The following AHNAK variants were observed in gnomAD, a reference collection of about 807,000 sequenced individuals.
The protein encoded by AHNAK is neuroblast differentiation-associated protein AHNAK.
In AHNAK, 23 loss-of-function variants were observed where a neutral mutation model predicts 37.8. That is an observed-to-expected ratio of 0.61 (90% CI 0.44 to 0.86). The LOEUF (loss-of-function observed/expected upper bound fraction) is 0.86. AHNAK is among the 40% of genes least tolerant of loss of function. The pLI, the probability that AHNAK is intolerant of heterozygous loss-of-function variation, is 0.00. For synonymous variants in AHNAK, 2,481 were observed against 2,636.3 expected, an observed-to-expected ratio of 0.94 and a Z score of 1.80; for missense variants, 7,411 against 7,319.4, an observed-to-expected ratio of 1.01 and a Z score of -0.46.
intron 5 of AHNAK, among the ~76,000 whole-genome samples, chr11:62,475,306 A>C (rs1253078354): frequency 2.6e-5 from 4 of 151,904 alleles, no homozygotes; most frequent in Non-Finnish European, 5.9e-5. Flanking sequence ...TTTGTCTCAA[A>C]AAAAAGGTGG....
Position 62,526,865 on chromosome 11 carries a change from ACTTGGGCATTTTCAT to A in AHNAK, c.7537_7551del (p.Met2513_Lys2517del). ...TCTGCTTTGAAGCCAGGCATGCTGA[ACTTGGGCATTTTCAT>A]CTTGGGCATCTTCAGGTGCCAGTCT... On this transcript the variant is annotated inframe_deletion, in exon 5 of 5. Transcript: ENST00000378024. 6.2e-7 allele frequency: 1 copy of A among 1,613,568 alleles called. No individual in the cohort carries two copies. The highest frequency in any genetic ancestry group is 8.5e-7 in the Non-Finnish European group (1 of 1,179,904).
chr11:62,456,622 C>T (rs780166254), intron 5 of AHNAK, among the ~76,000 whole-genome samples: 2 of 152,078 alleles, frequency 1.3e-5, no homozygotes, highest in East Asian at 3.9e-4. Flanking sequence ...CTCCAGGCTG[C>T]CATTCAAGGC....
chr11:62,524,608 T>C lies in AHNAK; in HGVS notation c.9809A>G (p.His3270Arg), dbSNP rs765895400. ...IDVDAPDIDIHGPDAKLKGPK... is the reference protein window; with the variant it reads ...IDVDAPDIDIRGPDAKLKGPK... Reference sequence around the variant, plus strand: ...ACCTTTTAATTTGGCATCTGGGCCATGAATGTCAATATCTGGAGCATCTAC... The same window carrying C: ...ACCTTTTAATTTGGCATCTGGGCCACGAATGTCAATATCTGGAGCATCTAC... The change falls in exon 5 of 5, where the codon CAT becomes CGT. Residue 3270 changes from histidine (H) to arginine (R), a missense_variant. Transcript: ENST00000378024. 20 of 1,614,056 alleles carry C rather than the reference T, an allele frequency of 1.2e-5. No individual in the cohort carries two copies. The East Asian group carries it at 2.9e-4, about 23-fold the overall frequency.
Position 62,520,554 on chromosome 11 carries a change from G to A in AHNAK, c.13863C>T (p.Asp4621=), listed in dbSNP as rs148835679. Reference sequence around the variant, plus strand: ...TGATGTCAACTTCGGGGCCCTTGAGGTCGCCTTCCACTTTGGGCAGAGAAA... The same window carrying A: ...TGATGTCAACTTCGGGGCCCTTGAGATCGCCTTCCACTTTGGGCAGAGAAA... The part of the protein sequence containing the change: ...MDISLPKVEG[D]LKGPEVDIRD... The change falls in exon 5 of 5, where the codon GAC becomes GAT. Residue 4621 remains aspartate, a synonymous_variant. Transcript: ENST00000378024. 1 of 1,614,058 alleles carries A rather than the reference G, an allele frequency of 6.2e-7. No homozygotes were observed. Among genetic ancestry groups the A allele is most frequent in the East Asian group, 2.2e-5 (1 of 44,874 alleles).
At position 62,523,681 on chromosome 11, in the gene AHNAK, A is replaced by G. The variant is rs751224459; in HGVS notation, c.10736T>C (p.Ile3579Thr). 1.9e-5 allele frequency: 31 copies of G among 1,613,676 alleles called. No homozygotes were observed. In the South Asian group the frequency reaches 3.2e-4, roughly 17 times the overall value. The change falls in exon 5 of 5, where the codon ATC becomes ACC. Residue 3579 changes from isoleucine (I) to threonine (T), a missense_variant. Physicochemically the swap from Ile to Thr is moderately conservative, Grantham distance 89. Transcript: ENST00000378024. ...EGDLKGPEVD[I>T]KGPKVDINAP... ...ATTGATGTCCACTTTAGGGCCTTTG[A>G]TATCAACCTCTGGCCCTTTCAGATC...
Position 62,529,245 on chromosome 11 carries a change from G to T in AHNAK, c.5172C>A (p.Gly1724=). ...KMKMPKFSMP[G]FKAEGPEVDV... ...CCACTTCAGGGCCCTCTGCTTTGAA[G>T]CCAGGCATACTGAACTTGGGCATTT... Residue 1724 remains glycine, a synonymous_variant, in exon 5 of 5, where the codon GGC becomes GGA. Coordinates refer to ENST00000378024, the MANE Select transcript of AHNAK (RefSeq NM_001620.3). 3 of 1,614,196 alleles carry T rather than the reference G, an allele frequency of 1.9e-6. No homozygotes were observed. Among genetic ancestry groups the T allele is most frequent in the Non-Finnish European group, 2.5e-6 (3 of 1,180,038 alleles).
At chr11:62,495,604 A>G (rs1202374548) in intron 4 of AHNAK, among the ~76,000 whole-genome samples, 1 of 150,742 alleles carries the variant, frequency 6.6e-6, no homozygotes, top group Non-Finnish European at 1.5e-5. Flanking sequence ...CTGGGCATGA[A>G]GGCATGCACC....
chr11:62,438,308 G>A (rs368601064), intron 5 of AHNAK, among the ~76,000 whole-genome samples: 2 of 150,030 alleles, frequency 1.3e-5, no homozygotes, highest in East Asian at 2.0e-4. Context: ...TCGGACTCCC[G>A]AGTAGCTGGG....
In AHNAK at chr11:62,517,498, A is replaced by T. The variant is rs143067494; in HGVS notation, c.16919T>A (p.Leu5640Gln). Residue 5640 changes from leucine to glutamine, a missense_variant, in exon 5 of 5, where the codon CTG (leucine) becomes CAG (glutamine). Coordinates refer to ENST00000378024, the MANE Select transcript of AHNAK (RefSeq NM_001620.3). ...GGQIGLQAPGLSVSGPQGHLE... is the reference protein window; with the variant it reads ...GGQIGLQAPGQSVSGPQGHLE... ...GTGACCTTGAGGCCCAGACACACTC[A>T]GCCCAGGAGCCTGGAGTCCAATCTG... 99 of 1,614,078 alleles carry T rather than the reference A, an allele frequency of 6.1e-5. No individual in the cohort carries two copies. The highest frequency in any genetic ancestry group is 8.2e-5 in the Non-Finnish European group (97 of 1,180,040).
rs1474872939 is a variant in AHNAK at position 62,525,033 on chromosome 11, T to C, written c.9384A>G (p.Lys3128=). 2 of 1,613,160 alleles carry C rather than the reference T, an allele frequency of 1.2e-6. No homozygotes were observed. The highest frequency in any genetic ancestry group is 1.7e-5 in the Admixed American group (1 of 59,930). ...GGGCATTAATATCCACTTTGGGGCC[T>C]TTAATATCCACGTCAGGAACTTTCA... ...GDMKVPDVDI[K]GPKVDINAPD... is the part of the protein sequence containing the mutation. The change falls in exon 5 of 5, where the codon AAA becomes AAG. Residue 3128 remains lysine (K), a synonymous_variant. Coordinates refer to ENST00000378024, the MANE Select transcript of AHNAK (RefSeq NM_001620.3).
chr11:62,487,142 G>A (rs927055432), intron 5 of AHNAK, among the ~76,000 whole-genome samples: 5 of 152,348 alleles, frequency 3.3e-5, no homozygotes, highest in South Asian at 4.1e-4. Flanking sequence ...CCAGTCCAGT[G>A]TGAAGCTGAT....
intron 4 of AHNAK, among the ~76,000 whole-genome samples, chr11:62,508,329 T>C (rs1318894265): frequency 6.6e-6 from 1 of 152,194 alleles, no homozygotes; most frequent in Non-Finnish European, 1.5e-5. Context: ...CCCAACTCTA[T>C]GAGTTGAGAC....
rs1226282650 is a variant in AHNAK at position 62,518,489 on chromosome 11, T to A, written c.15928A>T (p.Ser5310Cys). The A allele has an allele frequency of 6.2e-7, 1 of 1,614,064 alleles. No homozygotes were observed. Among genetic ancestry groups the A allele is most frequent in the Non-Finnish European group, 8.5e-7 (1 of 1,179,996 alleles). Residue 5310 changes from serine to cysteine, a missense_variant, in exon 5 of 5, where the codon AGT becomes TGT. Ser to Cys is a moderately radical substitution (Grantham distance 112, BLOSUM62 -1). Coordinates refer to ENST00000378024, the MANE Select transcript of AHNAK (RefSeq NM_001620.3). ...GATGCATCCAGGTCTCCCTTCAAAC[T>A]TGGTCCTTTCAAGTTCAGATCAAGG... ...PDLDLNLKGPSLKGDLDASVP... is the reference protein window; with the variant it reads ...PDLDLNLKGPCLKGDLDASVP...
Position 62,522,790 on chromosome 11 carries a change from G to A in AHNAK, c.11627C>T (p.Pro3876Leu). ...TCCTTTCAGGTTAAGATCAATGTCA[G>A]GCATGGAGATCTTGGGGGCTTTGAT... ...MNIKAPKISM[P>L]DIDLNLKGPK... The change falls in exon 5 of 5, where the codon CCT becomes CTT. Residue 3876 changes from proline to leucine, a missense_variant. Coordinates refer to ENST00000378024, the MANE Select transcript of AHNAK (RefSeq NM_001620.3). 6.2e-7 allele frequency: 1 copy of A among 1,613,864 alleles called. No homozygotes were observed. Among genetic ancestry groups the A allele is most frequent in the South Asian group, 1.1e-5 (1 of 91,058 alleles).
chr11:62,535,163 T>C lies in AHNAK; in HGVS notation c.182A>G (p.Tyr61Cys). ...EGDQIVGATI[Y>C]FDNLQSGEVT... ...CTCACCCGACTGCAGGTTGTCAAAG[T>C]AGATGGTGGCACCCACAATCTGGTC... is the stretch of plus-strand genomic sequence containing the variant. The change falls in exon 4 of 5, where the codon TAC becomes TGC. Residue 61 changes from tyrosine (Y) to cysteine (C), a missense_variant. Physicochemically the swap from Tyr to Cys is radical, Grantham distance 194. Transcript: ENST00000378024. The C allele has an allele frequency of 6.2e-7, 1 of 1,612,008 alleles. No individual in the cohort carries two copies. Among genetic ancestry groups the C allele is most frequent in the Non-Finnish European group, 8.5e-7 (1 of 1,178,288 alleles).
chr11:62,468,121 G>A (rs1347743725), intron 5 of AHNAK, among the ~76,000 whole-genome samples: 1 of 152,154 alleles, frequency 6.6e-6, no homozygotes, highest in Admixed American at 6.6e-5. Context: ...GCCGAAATGG[G>A]CGTTATCACT....
At chr11:62,500,603 G>A (rs1939695285) in intron 4 of AHNAK, among the ~76,000 whole-genome samples, 2 of 152,324 alleles carry the variant, frequency 1.3e-5, no homozygotes, top group South Asian at 2.1e-4. Flanking sequence ...AAAAATCCAA[G>A]TGGGTTTTAA....
chr11:62,454,048 A>C (rs1418786977), intron 5 of AHNAK, among the ~76,000 whole-genome samples: 1 of 151,496 alleles, frequency 6.6e-6, no homozygotes, highest in African/African-American at 2.4e-5. Context: ...CGGAGGTTGC[A>C]GTGAGCCGAG....
chr11:62,435,656 G>A lies in AHNAK; in HGVS notation c.443-1765C>T, dbSNP rs186045434. Among the ~76,000 whole-genome samples, 23 of 152,132 alleles carry A rather than the reference G, an allele frequency of 1.5e-4. No individual in the cohort carries two copies. In the East Asian group the frequency reaches 4.1e-3, roughly 27 times the overall value. On this transcript the variant is annotated intron_variant, in intron 5 of 5. Transcript: ENST00000257247. The stretch of plus-strand genomic sequence containing the variant: ...TCTCGATCTCCTGACCTCGTGATCC[G>A]CCCACCTCGGCCTCCCAAAGTGCTG...
Sources: gnomAD v4.1 joint callset for allele counts (sites outside exome capture counted in the v4.1 genomes callset) on GRCh38, gnomAD v4.1.1 for gene constraint, MANE v1.5 for transcripts, NCBI Gene and HGNC (gene_info 2026-07-23, HGNC 2026-07-21) for gene names.